Variants in ELAPOR2 observed in about 807,000 individuals in gnomAD.
ELAPOR2 encodes the protein endosome-lysosome associated apoptosis and autophagy regulator family member 2.
In ELAPOR2, 89 loss-of-function variants were observed where a neutral mutation model predicts 120.7. The observed-to-expected ratio is 0.74, with a 90% CI of 0.62 to 0.88. The LOEUF (loss-of-function observed/expected upper bound fraction) is 0.88, where lower values mean the gene tolerates loss of function less well. Among genes scored for constraint, ELAPOR2 ranks in the 40% least tolerant of loss-of-function variants. The probability of loss-of-function intolerance (pLI) is 0.00; values close to 1 mark genes in which losing one functional copy is unlikely to be tolerated. For missense variants in ELAPOR2, 1,134 were observed against 1,251.6 expected (o/e 0.91, Z 1.42); for synonymous variants, 444 against 444.9 (o/e 1.00, Z 0.03).
At chr7:87,044,709 T>C (rs906435512) in intron 1 of ELAPOR2, among the ~76,000 whole-genome samples, 2 of 151,976 alleles carry the variant, frequency 1.3e-5, no homozygotes. Flanking sequence ...AAGGACTTCA[T>C]GTCTAAAACA....
chr7:86,891,798 C>T lies in ELAPOR2; in HGVS notation c.2956G>A (p.Glu986Lys). Residue 986 changes from glutamate to lysine, a missense_variant, in exon 21 of 22, where the codon GAA becomes AAA. Physicochemically the swap from Glu to Lys is moderately conservative, Grantham distance 56. Around this residue, in one of 3 missense-constraint regions of ELAPOR2, gnomAD observed 831 missense variants for 867.6 expected, o/e 0.96. Coordinates refer to ENST00000450689, the MANE Select transcript of ELAPOR2 (RefSeq NM_001142749.3). ...TATACAACTTCCTCTTCATTATCTT[C>T]TCCTTCCATGATAGCACAACTGTCT... ...AADSCAIMEG[E>K]DNEEEVVYSN... 3 of 1,612,226 alleles carry T rather than the reference C, an allele frequency of 1.9e-6. No individual in the cohort carries two copies. Among genetic ancestry groups the T allele is most frequent in the Non-Finnish European group, 2.5e-6 (3 of 1,178,828 alleles).
intron 18 of ELAPOR2, among the ~76,000 whole-genome samples, chr7:86,902,708 T>A (rs1788780313): frequency 6.6e-6 from 1 of 152,152 alleles, no homozygotes; most frequent in South Asian, 2.1e-4. Flanking sequence ...CTTGGGAAGT[T>A]TGCACCCTTT....
chr7:86,890,736 G>T (rs540172728), intron 21 of ELAPOR2, among the ~76,000 whole-genome samples: 1 of 151,894 alleles, frequency 6.6e-6, no homozygotes, highest in African/African-American at 2.4e-5. Flanking sequence ...TTATTTTATG[G>T]CAATAGTACC....
At chr7:87,052,776 C>CTTTTCTTTTGTTTTGTTTTG (rs139503925) in intron 1 of ELAPOR2, among the ~76,000 whole-genome samples, 2 of 146,994 alleles carry the variant, frequency 1.4e-5, no homozygotes, top group Non-Finnish European at 3.0e-5. Context: ...GGTTTGTTTT[C>CTTTTCTTTTGTTTTGTTTTG]TTTTGTTTTG....
At chr7:87,038,370 T>C (rs1285036729) in intron 1 of ELAPOR2, among the ~76,000 whole-genome samples, 4 of 152,096 alleles carry the variant, frequency 2.6e-5, no homozygotes, top group Non-Finnish European at 4.4e-5. Context: ...AACACACAGA[T>C]AAGAAAAAGT....
chr7:86,965,780 T>C, intron 1 of ELAPOR2: 1 of 979,460 alleles, frequency 1.0e-6, no homozygotes, highest in East Asian at 1.1e-4. Flanking sequence ...AAATTCCAAA[T>C]CTACCCCAAA....
Position 87,022,926 on chromosome 7 carries a change from G to T in ELAPOR2, c.189+36399C>A, listed in dbSNP as rs1388415498. 3.3e-5 allele frequency among the ~76,000 whole-genome samples: 5 copies of T among 151,912 alleles called. No individual in the cohort carries two copies. In the South Asian group the frequency reaches 1.0e-3, roughly 32 times the overall value. On this transcript the variant is annotated intron_variant, in intron 1 of 21. Transcript: ENST00000450689. ...CCTTTGCCCACTTTTTGATGGGGTT[G>T]TTTTTTTCTTGTAAATTTGTTGGAG...
intron 2 of ELAPOR2, among the ~76,000 whole-genome samples, chr7:86,948,407 C>G (rs1791095813): frequency 6.6e-6 from 1 of 152,188 alleles, no homozygotes; most frequent in Non-Finnish European, 1.5e-5. Flanking sequence ...ATTAAGACCA[C>G]TTATAAGTTG....
At chr7:87,004,325 GA>G (rs1793406519) in intron 1 of ELAPOR2, among the ~76,000 whole-genome samples, 1 of 152,186 alleles carries the variant, frequency 6.6e-6, no homozygotes, top group South Asian at 2.1e-4. Context: ...CCAGAGCAGA[GA>G]ACAGGGTTGG....
chr7:86,989,779 GA>G lies in ELAPOR2; in HGVS notation c.190-24756del. Among the ~76,000 whole-genome samples, 6 of 151,788 alleles carry G rather than the reference GA, an allele frequency of 4.0e-5. 1 individual carries two copies. Among genetic ancestry groups the G allele is most frequent in the Admixed American group, 3.9e-4 (6 of 15,280 alleles). On this transcript the variant is annotated intron_variant, in intron 1 of 21. Transcript: ENST00000450689. The stretch of plus-strand genomic sequence containing the variant: ...TTAACAAATATTGAAATATAATAAA[GA>G]TACAAATTTTTTTATTTTTATATTT...
chr7:86,905,205 A>G lies in ELAPOR2; in HGVS notation c.2558+2465T>C, dbSNP rs914715440. Among the ~76,000 whole-genome samples the G allele has an allele frequency of 2.0e-5, 3 of 151,056 alleles. No individual in the cohort carries two copies. In the East Asian group the frequency reaches 5.8e-4, roughly 29 times the overall value. ...GAAAGAGAGAGAGAGAGAGAGAGAG[A>G]AAGAGAGAGAGGAAGAGAAGAGAAG... On this transcript the variant is annotated intron_variant, in intron 18 of 21. Transcript: ENST00000450689.
intron 1 of ELAPOR2, among the ~76,000 whole-genome samples, chr7:87,040,052 G>C (rs922082227): frequency 5.9e-5 from 9 of 152,226 alleles, no homozygotes; most frequent in Non-Finnish European, 8.8e-5. Flanking sequence ...CGAATACTGC[G>C]CTTTTCCGAC....
chr7:86,964,255 A>T (rs1791825286), intron 2 of ELAPOR2, among the ~76,000 whole-genome samples: 1 of 141,794 alleles, frequency 7.1e-6, no homozygotes, highest in Admixed American at 6.8e-5. Flanking sequence ...AAATTAACTA[A>T]ATTAACGATT....
chr7:86,984,038 C>T (rs111712416), intron 1 of ELAPOR2, among the ~76,000 whole-genome samples: 1 of 152,120 alleles, frequency 6.6e-6, no homozygotes, highest in East Asian at 1.9e-4. Context: ...GCAGGGGTTG[C>T]AATCCTGGTC....
chr7:87,012,390 C>CA (rs1316307536), intron 1 of ELAPOR2, among the ~76,000 whole-genome samples: 1 of 152,094 alleles, frequency 6.6e-6, no homozygotes, highest in Non-Finnish European at 1.5e-5. Flanking sequence ...AGCCTGGTGA[C>CA]AGAGTGAGAC....
chr7:86,979,397 T>C (rs1053618849), intron 1 of ELAPOR2, among the ~76,000 whole-genome samples: 2 of 152,166 alleles, frequency 1.3e-5, no homozygotes, highest in Middle Eastern at 3.2e-3. Context: ...TGTAACCTAG[T>C]AGAACAAAGA....
chr7:87,015,269 C>T (rs1416076691), intron 1 of ELAPOR2, among the ~76,000 whole-genome samples: 1 of 152,124 alleles, frequency 6.6e-6, no homozygotes, highest in African/African-American at 2.4e-5. Context: ...AAAAACAAAG[C>T]TGATAAATCT....
Position 87,059,523 on chromosome 7 carries a change from G to A in ELAPOR2, c.-10C>T, listed in dbSNP as rs1323875983. The A allele has an allele frequency of 5.1e-6, 6 of 1,186,140 alleles. No homozygotes were observed. The highest frequency in any genetic ancestry group is 4.2e-6 in the Non-Finnish European group (4 of 958,522). 73.5% of individuals were successfully genotyped at this position (1,186,140 alleles called of 1,614,324 possible). ...GGGCGCGGAACAGCATCTTCGTCCG[G>A]CCGCGGTCGGCGGGCCGGCGGCAAG... On this transcript the variant is annotated 5_prime_UTR_variant, in exon 1 of 22. Coordinates refer to ENST00000450689, the MANE Select transcript of ELAPOR2 (RefSeq NM_001142749.3).
intron 1 of ELAPOR2, among the ~76,000 whole-genome samples, chr7:87,058,236 G>C (rs956494486): frequency 6.6e-5 from 10 of 152,054 alleles, no homozygotes. Context: ...TTCAAGTCTC[G>C]GTAAAATTCA....
Sources: allele counts gnomAD v4.1 joint callset (sites outside exome capture counted in the v4.1 genomes callset), GRCh38; gene constraint gnomAD v4.1.1; regional missense constraint gnomAD v4.1.1; transcripts MANE v1.5; gene names NCBI Gene and HGNC (gene_info 2026-07-23, HGNC 2026-07-21).